The following TMEM135 variants were observed in gnomAD, a reference collection of about 807,000 sequenced individuals.
The protein encoded by TMEM135 is transmembrane protein 135, also known as peroxisomal membrane protein 52.
In TMEM135, 30 loss-of-function variants were observed where a neutral mutation model predicts 60.3. The observed-to-expected ratio is 0.50, with a 90% CI of 0.37 to 0.68. The LOEUF is 0.68. Ranked by LOEUF, TMEM135 falls within the 30% of genes least tolerant of loss-of-function variation. The pLI, the probability that TMEM135 is intolerant of heterozygous loss-of-function variation, is 0.00. For missense variants in TMEM135, 468 were observed against 548.8 expected (o/e 0.85, Z 1.47); for synonymous variants, 190 against 186.7 (o/e 1.02, Z -0.14).
chr11:87,229,034 C>A (rs1940830129), intron 5 of TMEM135, among the ~76,000 whole-genome samples: 2 of 152,218 alleles, frequency 1.3e-5, no homozygotes, highest in Middle Eastern at 3.4e-3. Flanking sequence ...GTAAATCTGT[C>A]ATTTCCTACA....
At chr11:87,281,134 G>T (rs1591165464) in intron 6 of TMEM135, among the ~76,000 whole-genome samples, 1 of 152,110 alleles carries the variant, frequency 6.6e-6, no homozygotes, top group East Asian at 1.9e-4. Context: ...TCTGGGAGTT[G>T]TTAATGAGTA....
intron 6 of TMEM135, chr11:87,259,057 G>A (rs1941589888): frequency 3.0e-6 from 4 of 1,348,812 alleles, no homozygotes; most frequent in African/African-American, 1.4e-5. Flanking sequence ...CATTTTGTGA[G>A]CCACAAAGAG....
At chr11:87,211,130 G>A (rs1287828791) in intron 5 of TMEM135, among the ~76,000 whole-genome samples, 1 of 152,062 alleles carries the variant, frequency 6.6e-6, no homozygotes, top group Non-Finnish European at 1.5e-5. Flanking sequence ...AATGTACTTC[G>A]ATTTTATAAA....
rs931081441 is a variant in TMEM135, at chr11:87,046,134, G to A, written c.141+7948G>A. Among the ~76,000 whole-genome samples the A allele has an allele frequency of 2.6e-5, 4 of 152,174 alleles. 1 individual carries two copies. The highest frequency in any genetic ancestry group is 1.3e-4 in the Admixed American group (2 of 15,280). On this transcript the variant is annotated intron_variant, in intron 1 of 14. Transcript: ENST00000305494. ...TAACAGTGTAACTCAGGCCGGGCAT[G>A]GTGGCTCATGCCTGTAATACCAGCA...
chr11:87,088,751 G>A (rs908198329), intron 3 of TMEM135, among the ~76,000 whole-genome samples: 1 of 152,176 alleles, frequency 6.6e-6, no homozygotes, highest in Admixed American at 6.5e-5. Flanking sequence ...ACCTGTCAGA[G>A]TCCTGTAGCT....
chr11:87,141,416 A>T (rs1252720609), intron 4 of TMEM135, among the ~76,000 whole-genome samples: 1 of 152,156 alleles, frequency 6.6e-6, no homozygotes, highest in Admixed American at 6.6e-5. Context: ...ACAATTGTGT[A>T]TTGAATACGT....
At chr11:87,305,817 T>TC in intron 8 of TMEM135, 119 bp from the exon 9 acceptor site, 1 of 470,222 alleles carries the variant, frequency 2.1e-6, no homozygotes, top group Non-Finnish European at 3.7e-6. Context: ...AGTGATGTTT[T>TC]CTTCTCTCTC....
rs1009281755 is a variant in TMEM135, at chr11:87,067,546, C to T, written c.142-148C>T. 4.0e-5 allele frequency: 41 copies of T among 1,031,344 alleles called. No homozygotes were observed. In the African/African-American group the frequency reaches 5.3e-4, roughly 13 times the overall value. The allele number at this position is 1,031,344 out of a possible 1,614,324, so 63.9% of individuals were successfully genotyped here. A position where few individuals can be genotyped will look rare whatever the true frequency, so the allele number is the denominator to read the frequency against. On this transcript the variant is annotated intron_variant, in intron 1 of 14. Transcript: ENST00000305494. ...CAGGTGTCTTCCTTTCTATCCTGAA[C>T]ATTGTATTTTTATAGAAGATCCAGT...
chr11:87,051,280 G>A (rs369369812), intron 1 of TMEM135, among the ~76,000 whole-genome samples: 11 of 51,832 alleles, frequency 2.1e-4, no homozygotes, highest in Non-Finnish European at 3.1e-4. Flanking sequence ...CTCTCTCACC[G>A]CTCCTATTCA....
chr11:87,182,081 A>G (rs887391336), intron 5 of TMEM135, among the ~76,000 whole-genome samples: 5 of 151,910 alleles, frequency 3.3e-5, no homozygotes, highest in Non-Finnish European at 7.4e-5. Flanking sequence ...AATATAGAAT[A>G]ATATTTTTAT....
intron 5 of TMEM135, among the ~76,000 whole-genome samples, chr11:87,159,134 C>G (rs927947635): frequency 1.3e-5 from 2 of 152,118 alleles, no homozygotes; most frequent in African/African-American, 4.8e-5. Flanking sequence ...AATTTTTCTA[C>G]TAATTATTAG....
At position 87,323,686 on chromosome 11, in the gene TMEM135, T is replaced by A. The variant is rs1339667268; in HGVS notation, c.*2353T>A. ...TTGGGGCAGTGGTATTATGGTCATT[T>A]CGTTGCTATTTTCTGTTTTAATAAA... On this transcript the variant is annotated 3_prime_UTR_variant, in exon 15 of 15. Transcript: ENST00000305494. 2.2e-6 allele frequency: 1 copy of A among 453,032 alleles called. No individual in the cohort carries two copies. Among genetic ancestry groups the A allele is most frequent in the Admixed American group, 2.4e-5 (1 of 42,434 alleles). The allele number at this position is 453,032 out of a possible 1,614,324, so 28.1% of individuals were successfully genotyped here.
chr11:87,187,222 T>C (rs1049477324), intron 5 of TMEM135, among the ~76,000 whole-genome samples: 1 of 152,222 alleles, frequency 6.6e-6, no homozygotes, highest in Non-Finnish European at 1.5e-5. Flanking sequence ...CTTGAACTTA[T>C]GTGCCAGAGG....
chr11:87,313,367 T>C (rs1439805664), intron 10 of TMEM135, 58 bp from the exon 11 acceptor site: 3 of 1,420,492 alleles, frequency 2.1e-6, no homozygotes, highest in Non-Finnish European at 3.0e-6. Flanking sequence ...GTTTTTGTTT[T>C]ATGCTTTTAT....
At chr11:87,255,968 C>T (rs1378773258) in intron 6 of TMEM135, among the ~76,000 whole-genome samples, 2 of 152,094 alleles carry the variant, frequency 1.3e-5, no homozygotes, top group African/African-American at 4.8e-5. Flanking sequence ...TGGTAAGTTA[C>T]AAAACTGGGA....
At chr11:87,299,593 T>A (rs1942409212) in intron 7 of TMEM135, among the ~76,000 whole-genome samples, 1 of 152,178 alleles carries the variant, frequency 6.6e-6, no homozygotes, top group African/African-American at 2.4e-5. Flanking sequence ...ATAGATATAC[T>A]TAGTGTACAT....
chr11:87,274,633 T>C (rs905342204), intron 6 of TMEM135, among the ~76,000 whole-genome samples: 1 of 152,110 alleles, frequency 6.6e-6, no homozygotes, highest in Non-Finnish European at 1.5e-5. Flanking sequence ...CTCCATGTCC[T>C]CATATTCTCA....
intron 4 of TMEM135, among the ~76,000 whole-genome samples, chr11:87,135,048 G>A (rs1285551046): frequency 6.6e-6 from 1 of 152,142 alleles, no homozygotes; most frequent in East Asian, 1.9e-4. Context: ...TCAGTGAACT[G>A]TCTTTTCAAA....
chr11:87,241,064 A>T (rs540819341), intron 6 of TMEM135, among the ~76,000 whole-genome samples: 78 of 152,212 alleles, frequency 5.1e-4, no homozygotes, highest in Middle Eastern at 3.4e-3. Flanking sequence ...CCATTTGAGA[A>T]TTCTAATCAA....
Sources: gnomAD v4.1 joint callset for allele counts (sites outside exome capture counted in the v4.1 genomes callset) on GRCh38, gnomAD v4.1.1 for gene constraint, MANE v1.5 for transcripts, NCBI Gene and HGNC (gene_info 2026-07-23, HGNC 2026-07-21) for gene names.